METTL24: variants seen among roughly 807,000 people sequenced by gnomAD.
The protein encoded by METTL24 is methyltransferase like 24, also known as probable methyltransferase-like protein 24.
In METTL24, 29 loss-of-function variants were observed where a neutral mutation model predicts 32.7. The observed-to-expected ratio is 0.89, with a 90% CI of 0.66 to 1.21. METTL24 has a LOEUF of 1.21. METTL24 is among the 50% of genes most tolerant of loss of function. The pLI is 0.00. For synonymous variants in METTL24, 163 were observed against 179.5 expected, an observed-to-expected ratio of 0.91 and a Z score of 0.73; for missense variants, 439 against 468.1, an observed-to-expected ratio of 0.94 and a Z score of 0.57.
intron 4 of METTL24, among the ~76,000 whole-genome samples, chr6:110,260,205 T>TA (rs1266211180): frequency 6.6e-6 from 1 of 152,116 alleles, no homozygotes; most frequent in African/African-American, 2.4e-5. Context: ...GCAAAGAAGA[T>TA]AAAAACTTTG....
intron 4 of METTL24, 65 bp downstream of exon 4, chr6:110,298,857 G>T: frequency 7.1e-7 from 1 of 1,418,152 alleles, no homozygotes; most frequent in East Asian, 2.3e-5. Flanking sequence ...TTCTTGGTTT[G>T]CATTTTAAAA....
intron 4 of METTL24, among the ~76,000 whole-genome samples, chr6:110,270,564 A>G (rs1770938158): frequency 6.6e-6 from 1 of 152,120 alleles, no homozygotes. Context: ...TCAGGCGCCA[A>G]AGAGAGCTCT....
At chr6:110,351,975 A>G (rs1001767443) in intron 1 of METTL24, among the ~76,000 whole-genome samples, 4 of 152,254 alleles carry the variant, frequency 2.6e-5, no homozygotes, top group African/African-American at 9.6e-5. Flanking sequence ...GTTAATTATT[A>G]TAGGCACATA....
At chr6:110,292,725 C>A (rs1317248594) in intron 4 of METTL24, among the ~76,000 whole-genome samples, 1 of 150,332 alleles carries the variant, frequency 6.7e-6, no homozygotes, top group Non-Finnish European at 1.5e-5. Context: ...TTTTTAAATC[C>A]CCATAGTTTT....
rs376084026 is a variant in METTL24 at position 110,340,881 on chromosome 6, T to C, written c.318+17074A>G. On this transcript the variant is annotated intron_variant, in intron 1 of 4. Coordinates refer to ENST00000338882, the MANE Select transcript of METTL24 (RefSeq NM_001123364.3). ...ATCTGTTCCTCTTTCTTCACTTCTA[T>C]TTTTACATTGAAAAGTTTGGATTTC... 5.3e-5 allele frequency among the ~76,000 whole-genome samples: 8 copies of C among 152,312 alleles called. No individual in the cohort carries two copies. The East Asian group carries it at 1.3e-3, about 26-fold the overall frequency.
chr6:110,268,311 G>A (rs755301764), intron 4 of METTL24, among the ~76,000 whole-genome samples: 9 of 152,092 alleles, frequency 5.9e-5, no homozygotes, highest in Non-Finnish European at 1.0e-4. Context: ...TCTATTAAGT[G>A]GTGGAATCAG....
chr6:110,304,261 C>T (rs1054821010), intron 3 of METTL24, among the ~76,000 whole-genome samples: 5 of 152,290 alleles, frequency 3.3e-5, no homozygotes, highest in African/African-American at 1.2e-4. Flanking sequence ...CACCTCTTCT[C>T]CTCCAAAGGA....
intron 1 of METTL24, among the ~76,000 whole-genome samples, chr6:110,333,680 G>T (rs542845282): frequency 6.6e-6 from 1 of 152,116 alleles, no homozygotes; most frequent in Non-Finnish European, 1.5e-5. Flanking sequence ...GACCTCAAAT[G>T]ACCTGCCCAC....
At chr6:110,272,811 A>G (rs1770980784) in intron 4 of METTL24, among the ~76,000 whole-genome samples, 1 of 151,596 alleles carries the variant, frequency 6.6e-6, no homozygotes, top group South Asian at 2.1e-4. Flanking sequence ...CCACTGTTTG[A>G]TGGGATTTTT....
At chr6:110,337,462 G>C (rs1772260166) in intron 1 of METTL24, among the ~76,000 whole-genome samples, 1 of 152,112 alleles carries the variant, frequency 6.6e-6, no homozygotes, top group East Asian at 1.9e-4. Context: ...TAATAAAAAA[G>C]AGGTGGTTAT....
At position 110,244,925 on chromosome 6, in the gene METTL24, T is replaced by C. The variant is rs1314089065; in HGVS notation, c.*1021A>G. Among the ~76,000 whole-genome samples the C allele has an allele frequency of 1.3e-5, 2 of 152,058 alleles. No individual in the cohort carries two copies. Among genetic ancestry groups the C allele is most frequent in the African/African-American group, 4.8e-5 (2 of 41,380 alleles). On this transcript the variant is annotated 3_prime_UTR_variant, in exon 5 of 5. Transcript: ENST00000338882. ...AAGGAGCCAGATGGAAACCAGAATA[T>C]GTGAGTCAAGAAAATGGTGAAACAT...
At chr6:110,291,003 C>T (rs1238185700) in intron 4 of METTL24, among the ~76,000 whole-genome samples, 2 of 152,016 alleles carry the variant, frequency 1.3e-5, no homozygotes, top group Non-Finnish European at 2.9e-5. Flanking sequence ...ATCTGTGTAT[C>T]TTGTTTGGTG....
At chr6:110,320,008 G>T (rs1771903845) in intron 2 of METTL24, among the ~76,000 whole-genome samples, 1 of 152,112 alleles carries the variant, frequency 6.6e-6, no homozygotes, top group South Asian at 2.1e-4. Flanking sequence ...CCAGTGTGGA[G>T]GGGTGTTTTA....
chr6:110,281,742 A>G (rs1249147840), intron 4 of METTL24, among the ~76,000 whole-genome samples: 2 of 150,944 alleles, frequency 1.3e-5, no homozygotes, highest in Admixed American at 6.6e-5. Context: ...TTGGTTATCC[A>G]GTATATTCCT....
At chr6:110,274,037 T>C (rs915886251) in intron 4 of METTL24, among the ~76,000 whole-genome samples, 1 of 152,182 alleles carries the variant, frequency 6.6e-6, no homozygotes, top group African/African-American at 2.4e-5. Flanking sequence ...GGAATACTAT[T>C]CAACCATAAA....
Position 110,245,037 on chromosome 6 carries a change from G to C in METTL24, c.*909C>G, listed in dbSNP as rs1349466241. Among the ~76,000 whole-genome samples the C allele has an allele frequency of 6.6e-6, 1 of 150,730 alleles. No homozygotes were observed. The highest frequency in any genetic ancestry group is 6.6e-5 in the Admixed American group (1 of 15,156). Reference sequence around the variant, plus strand: ...TTTATCTACCTACCTACCTACAATGGTTAATTTTATGTGTCAACTTAACTG... The same window carrying C: ...TTTATCTACCTACCTACCTACAATGCTTAATTTTATGTGTCAACTTAACTG... On this transcript the variant is annotated 3_prime_UTR_variant, in exon 5 of 5. Coordinates refer to ENST00000338882, the MANE Select transcript of METTL24 (RefSeq NM_001123364.3).
At position 110,307,943 on chromosome 6, in the gene METTL24, T is replaced by C. The variant is rs534070511; in HGVS notation, c.557+7399A>G. 4.5e-4 allele frequency among the ~76,000 whole-genome samples: 68 copies of C among 152,314 alleles called. No homozygotes were observed. The South Asian group carries it at 4.8e-3, about 11-fold the overall frequency. Reference sequence around the variant, plus strand: ...CTGGGGTTAGAAGTAACTGCAAACTTTTCAACATAGAAGGACCATTAAATC... The same window carrying C: ...CTGGGGTTAGAAGTAACTGCAAACTCTTCAACATAGAAGGACCATTAAATC... On this transcript the variant is annotated intron_variant, in intron 3 of 4. Coordinates refer to ENST00000338882, the MANE Select transcript of METTL24 (RefSeq NM_001123364.3).
In METTL24 at chr6:110,245,989, C is replaced by G. The variant is rs960018767; in HGVS notation, c.1058G>C (p.Ser353Thr). The G allele has an allele frequency of 3.1e-6, 5 of 1,614,006 alleles. No homozygotes were observed. The highest frequency in any genetic ancestry group is 4.2e-6 in the Non-Finnish European group (5 of 1,180,004). ...CACCCAACTCAGAGTATAACAGCTA[C>G]TTGCATTGAAAATGTCTTTCTTCAA... ...LFLKKDIFNA[S>T]SCYTLSWVNT... Residue 353 changes from serine to threonine, a missense_variant, in exon 5 of 5, where the codon AGT becomes ACT. By Grantham distance (58) the Ser-to-Thr change is moderately conservative. Transcript: ENST00000338882.
intron 3 of METTL24, among the ~76,000 whole-genome samples, chr6:110,302,478 CAT>C (rs1429067126): frequency 4.3e-5 from 4 of 93,018 alleles, no homozygotes; most frequent in African/African-American, 2.4e-4. Flanking sequence ...TATATATACA[CAT>C]ATACACACAT....
Sources: gnomAD v4.1 joint callset for allele counts (sites outside exome capture counted in the v4.1 genomes callset) on GRCh38, gnomAD v4.1.1 for gene constraint, MANE v1.5 for transcripts, NCBI Gene and HGNC (gene_info 2026-07-23, HGNC 2026-07-21) for gene names.